TAPBPL: variants seen among roughly 807,000 people sequenced by gnomAD.
TAPBPL encodes the protein tapasin-related protein.
A neutral mutation model predicts 44.8 loss-of-function variants in TAPBPL; 32 were observed. The observed-to-expected ratio is 0.71, with a 90% CI of 0.54 to 0.96. The LOEUF is 0.96. Ranked by LOEUF, TAPBPL falls within the 40% of genes least tolerant of loss-of-function variation. TAPBPL has a pLI of 0.00. For missense variants in TAPBPL, 520 were observed against 586.6 expected (o/e 0.89, Z 1.17); for synonymous variants, 230 against 240.7 (o/e 0.96, Z 0.41).
downstream of TAPBPL, chr12:6,470,666 C>T (rs1345234294): frequency 8.9e-7 from 1 of 1,123,058 alleles, no homozygotes; most frequent in East Asian, 2.6e-5. Flanking sequence ...TCTAGCTGCG[C>T]TGGAACTTAC....
At chr12:6,462,353 T>C (rs927277424), downstream of TAPBPL, 15 of 528,448 alleles carry the variant, frequency 2.8e-5, no homozygotes, top group African/African-American at 2.7e-4. Flanking sequence ...AAGTATGAGA[T>C]CAGGGTTAGG....
At chr12:6,470,681 G>C (rs954735460), downstream of TAPBPL, 5 of 1,001,924 alleles carry the variant, frequency 5.0e-6, no homozygotes, top group South Asian at 2.8e-5. Context: ...ACTTACTGCA[G>C]CTGCCGCGCC....
downstream of TAPBPL, chr12:6,462,523 G>T: frequency 2.0e-6 from 1 of 507,706 alleles, no homozygotes. Flanking sequence ...GGGAGGAAAG[G>T]GGGATAGCAG....
At chr12:6,465,520 G>A (rs1012398091), downstream of TAPBPL, among the ~76,000 whole-genome samples, 7 of 148,944 alleles carry the variant, frequency 4.7e-5, no homozygotes, top group Non-Finnish European at 8.9e-5. Flanking sequence ...CCATTGTGCT[G>A]ATGTTGGGTG....
At chr12:6,464,206 G>A (rs1387617332), downstream of TAPBPL, 2 of 1,488,808 alleles carry the variant, frequency 1.3e-6, no homozygotes, top group Non-Finnish European at 1.8e-6. Context: ...GGCTTTGGGG[G>A]AACTTGAGAG....
intron 6 of TAPBPL, chr12:6,461,454 A>G (rs1053343561): frequency 1.0e-6 from 1 of 999,450 alleles, no homozygotes; most frequent in Non-Finnish European, 1.2e-6. Flanking sequence ...GTGAGGGACA[A>G]TGAGGCATGG....
downstream of TAPBPL, chr12:6,464,188 C>T (rs1272213784): frequency 1.4e-6 from 2 of 1,465,920 alleles, no homozygotes; most frequent in African/African-American, 1.4e-5. Flanking sequence ...TGGCCTCCAA[C>T]TCTTTGGGGC....
At chr12:6,470,546 G>T, downstream of TAPBPL, 1 of 1,613,218 alleles carries the variant, frequency 6.2e-7, no homozygotes. Context: ...CTGACAGAGA[G>T]AGTGAGGGTC....
At chr12:6,452,604 G>C (rs556160151) in intron 1 of TAPBPL, 1 of 1,329,622 alleles carries the variant, frequency 7.5e-7, no homozygotes, top group Non-Finnish European at 9.6e-7. Flanking sequence ...CTTCAGAAGA[G>C]GAAAGGACTC....
chr12:6,462,305 C>T lies in TAPBPL; in HGVS notation c.*156C>T. On this transcript the variant is annotated 3_prime_UTR_variant, in exon 7 of 7. Coordinates refer to ENST00000266556, the MANE Select transcript of TAPBPL (RefSeq NM_018009.5). ...ATGACATTGGTAAATATGCCACATG[C>T]CTTTGGTGGAAGTACAACTGTTGTT... 1.7e-6 allele frequency: 1 copy of T among 605,654 alleles called. No individual in the cohort carries two copies. The highest frequency in any genetic ancestry group is 2.9e-6 in the Non-Finnish European group (1 of 344,734). 37.5% of individuals were successfully genotyped at this position (605,654 alleles called of 1,614,324 possible).
chr12:6,461,952 T>C, intron 6 of TAPBPL, 82 bp from the exon 7 acceptor site: 1 of 1,126,672 alleles, frequency 8.9e-7, no homozygotes, highest in Admixed American at 2.0e-5. Context: ...AGGAGGCAGA[T>C]GGAAGAGGCC....
chr12:6,471,297 C>A (rs1488583480), downstream of TAPBPL, among the ~76,000 whole-genome samples: 1 of 152,158 alleles, frequency 6.6e-6, no homozygotes, highest in African/African-American at 2.4e-5. The surrounding 1 kb of genome is among the most constrained non-coding windows in gnomAD (Gnocchi z 4.0). Flanking sequence ...AATTGAACTC[C>A]CTCCCAAACC....
chr12:6,458,680 G>A lies in TAPBPL; in HGVS notation c.940G>A (p.Ala314Thr), dbSNP rs200071851. Residue 314 changes from alanine to threonine, a missense_variant, in exon 5 of 7, where the codon GCT (alanine) becomes ACT (threonine). Coordinates refer to ENST00000266556, the MANE Select transcript of TAPBPL (RefSeq NM_018009.5). Reference sequence around the variant, plus strand: ...AGTACGACTGAGCTTGGCAAACGAAGCTCTGCTGCCCACCCTCATCTGCGA... The same window carrying A: ...AGTACGACTGAGCTTGGCAAACGAAACTCTGCTGCCCACCCTCATCTGCGA... ...PKVRLSLANE[A>T]LLPTLICDIA... is the part of the protein sequence containing the mutation. The A allele has an allele frequency of 4.3e-6, 7 of 1,614,074 alleles. No homozygotes were observed. Among genetic ancestry groups the A allele is most frequent in the Non-Finnish European group, 5.1e-6 (6 of 1,179,968 alleles).
downstream of TAPBPL, among the ~76,000 whole-genome samples, chr12:6,465,569 C>G (rs1349897371): frequency 2.0e-5 from 3 of 151,276 alleles, no homozygotes; most frequent in Non-Finnish European, 4.4e-5. Flanking sequence ...TTGCAGGCAA[C>G]TCCTTTGGGG....
chr12:6,465,779 G>A, downstream of TAPBPL: 7 of 1,590,876 alleles, frequency 4.4e-6, no homozygotes, highest in Non-Finnish European at 5.1e-6. Context: ...GAAGCTGAGG[G>A]TTTTCTTGCC....
intron 3 of TAPBPL, 103 bp from the exon 4 acceptor site, chr12:6,457,303 G>A (rs1312545656): frequency 1.6e-5 from 18 of 1,120,494 alleles, no homozygotes; most frequent in East Asian, 1.4e-4. Context: ...CCTGTCAGGC[G>A]AGGAAGAGGC....
At position 6,458,332 on chromosome 12, in the gene TAPBPL, T is replaced by A. The variant is rs553781345; in HGVS notation, c.905-313T>A. ...TGGAGGTTGCGGTGAGCCAAGATCATGCCACTGCACTCCAGCTTGGGCGAC... is the reference window on the plus strand; with the variant it reads ...TGGAGGTTGCGGTGAGCCAAGATCAAGCCACTGCACTCCAGCTTGGGCGAC... On this transcript the variant is annotated intron_variant, in intron 4 of 6. Coordinates refer to ENST00000266556, the MANE Select transcript of TAPBPL (RefSeq NM_018009.5). 2.7e-5 allele frequency among the ~76,000 whole-genome samples: 4 copies of A among 150,730 alleles called. No homozygotes were observed. In the South Asian group the frequency reaches 8.4e-4, roughly 32 times the overall value.
chr12:6,471,229 C>G (rs915662111), downstream of TAPBPL, among the ~76,000 whole-genome samples: 14 of 152,198 alleles, frequency 9.2e-5, no homozygotes, highest in African/African-American at 3.1e-4. This position sits in a 1 kb window ranked among gnomAD's most constrained non-coding sequence, Gnocchi z 4.0. Context: ...GGGGTTCCGT[C>G]CCACCAAAGC....
intron 3 of TAPBPL, among the ~76,000 whole-genome samples, chr12:6,456,934 T>G (rs1287427977): frequency 6.6e-6 from 1 of 152,246 alleles, no homozygotes; most frequent in East Asian, 1.9e-4. Flanking sequence ...ATTACCGGCA[T>G]GAGCCACCGC....
Sources: allele counts gnomAD v4.1 joint callset (sites outside exome capture counted in the v4.1 genomes callset), GRCh38; gene constraint gnomAD v4.1.1; non-coding constraint Gnocchi (gnomAD v3.1); transcripts MANE v1.5; gene names NCBI Gene and HGNC (gene_info 2026-07-23, HGNC 2026-07-21).